The following CYP4B1 variants were observed in gnomAD, a reference collection of about 807,000 sequenced individuals.
CYP4B1 encodes the protein cytochrome P450 family 4 subfamily B member 1, also known as cytochrome P450 4B1.
Under a neutral mutation model 54.0 loss-of-function variants are expected in CYP4B1, and 45 were observed. That is an observed-to-expected ratio of 0.83 (90% CI 0.66 to 1.07). The LOEUF (loss-of-function observed/expected upper bound fraction) is 1.07. CYP4B1 is among the 50% of genes least tolerant of loss of function. CYP4B1 has a pLI of 0.00. For synonymous variants in CYP4B1, 248 were observed against 247.5 expected, an observed-to-expected ratio of 1.00 and a Z score of -0.02; for missense variants, 656 against 655.4, an observed-to-expected ratio of 1.00 and a Z score of -0.01.
intron 3 of CYP4B1, 192 bp from the exon 4 acceptor site, chr1:46,812,304 C>A (rs1246652101): frequency 2.8e-6 from 2 of 708,392 alleles, no homozygotes; most frequent in Non-Finnish European, 5.1e-6. Context: ...GCTCACTCAG[C>A]CAAGAACTGC....
rs759943813 is a variant in CYP4B1, at chr1:46,810,788, G to A, written c.181-20G>A. 6 of 1,614,036 alleles carry A rather than the reference G, an allele frequency of 3.7e-6. No homozygotes were observed. The Admixed American group carries it at 1.0e-4, about 27-fold the overall frequency. ...GACAATGTGTTCCTGAGTGACCTTGGCCTTCTGTCATCATTTCAGATCCAG... is the reference window on the plus strand; with the variant it reads ...GACAATGTGTTCCTGAGTGACCTTGACCTTCTGTCATCATTTCAGATCCAG... On this transcript the variant is annotated intron_variant, in intron 1 of 11. Coordinates refer to ENST00000371923, the MANE Select transcript of CYP4B1 (RefSeq NM_001099772.2).
chr1:46,813,695 A>G, intron 5 of CYP4B1, 89 bp downstream of exon 5: 1 of 1,569,310 alleles, frequency 6.4e-7, no homozygotes, highest in South Asian at 1.1e-5. Flanking sequence ...TGATCTGAGA[A>G]GAGATAGGGT....
chr1:46,815,410 G>T (rs150836169), intron 8 of CYP4B1, 146 bp downstream of exon 8: 4 of 676,740 alleles, frequency 5.9e-6, no homozygotes, highest in African/African-American at 3.7e-5. Flanking sequence ...GTGGTGGGGG[G>T]TGGGGAGAGT....
At chr1:46,813,755 G>T in intron 5 of CYP4B1, 149 bp downstream of exon 5, 1 of 1,417,882 alleles carries the variant, frequency 7.1e-7, no homozygotes, top group Non-Finnish European at 9.7e-7. Flanking sequence ...TGCTCATGGT[G>T]GGGTAAACAC....
At chr1:46,817,258 C>T in intron 9 of CYP4B1, 77 bp downstream of exon 9, 1 of 1,575,422 alleles carries the variant, frequency 6.3e-7, no homozygotes, top group African/African-American at 1.3e-5. Context: ...TTAGTCAAAT[C>T]TTTGCACTTT....
chr1:46,818,596 CA>C (rs1297602359), intron 11 of CYP4B1, 34 bp from the exon 12 acceptor site: 1 of 1,603,228 alleles, frequency 6.2e-7, no homozygotes. Context: ...CTGGATGCTC[CA>C]TTGCACGATG....
intron 1 of CYP4B1, among the ~76,000 whole-genome samples, chr1:46,803,018 C>T (rs752257079): frequency 6.6e-5 from 10 of 152,264 alleles, no homozygotes; most frequent in South Asian, 2.1e-4. Flanking sequence ...AGTACCTCAG[C>T]GCTTCTGCAG....
At chr1:46,808,446 T>G (rs1678949625) in intron 1 of CYP4B1, among the ~76,000 whole-genome samples, 1 of 151,832 alleles carries the variant, frequency 6.6e-6, no homozygotes. Flanking sequence ...ATGTCTTCTT[T>G]TGAGAAGTGT....
In CYP4B1 at chr1:46,818,801, G is replaced by T. The variant is rs966147642; in HGVS notation, c.1526G>T (p.Gly509Val). ...CTCCACCTGAAGCCACTGGGCCCTG[G>T]GTCTGGGAAGTAGCTCTGATGAGAA... is the stretch of plus-strand genomic sequence containing the variant. ...FHLHLKPLGP[G>V]SGK Residue 509 changes from glycine (G) to valine (V), a missense_variant, in exon 12 of 12, where the codon GGG (glycine) becomes GTG (valine). Physicochemically the swap from Gly to Val is moderately radical, Grantham distance 109. Coordinates refer to ENST00000371923, the MANE Select transcript of CYP4B1 (RefSeq NM_001099772.2). 6.2e-7 allele frequency: 1 copy of T among 1,614,096 alleles called. No homozygotes were observed. Among genetic ancestry groups the T allele is most frequent in the Non-Finnish European group, 8.5e-7 (1 of 1,179,992 alleles).
chr1:46,815,436 G>A (rs1569910651), intron 8 of CYP4B1, 172 bp downstream of exon 8: 1 of 534,632 alleles, frequency 1.9e-6, no homozygotes, highest in Non-Finnish European at 3.1e-6. Context: ...GCTGGGCACA[G>A]ATGCACCCCT....
intron 1 of CYP4B1, among the ~76,000 whole-genome samples, chr1:46,808,526 T>C (rs904232764): frequency 2.6e-5 from 4 of 151,928 alleles, no homozygotes; most frequent in Non-Finnish European, 5.9e-5. Flanking sequence ...TTTGAGTTCA[T>C]TGTAGATTCT....
chr1:46,809,069 T>C (rs1406333690), intron 1 of CYP4B1, among the ~76,000 whole-genome samples: 2 of 151,076 alleles, frequency 1.3e-5, no homozygotes, highest in African/African-American at 2.4e-5. Context: ...TGTATACATA[T>C]GTAACTAACC....
At chr1:46,814,418 C>T (rs1679250261) in intron 7 of CYP4B1, 103 bp downstream of exon 7, 1 of 772,998 alleles carries the variant, frequency 1.3e-6, no homozygotes, top group South Asian at 1.7e-5. Context: ...TTCCCCCTTT[C>T]CTCAGCAAAT....
intron 1 of CYP4B1, among the ~76,000 whole-genome samples, chr1:46,807,454 G>C (rs1678907605): frequency 6.6e-6 from 1 of 152,174 alleles, no homozygotes; most frequent in African/African-American, 2.4e-5. Context: ...GAGAGAAGGG[G>C]AATGGCCAGG....
At chr1:46,799,442 C>A (rs1275975462) in intron 1 of CYP4B1, among the ~76,000 whole-genome samples, 181 bp downstream of exon 1, 1 of 152,196 alleles carries the variant, frequency 6.6e-6, no homozygotes, top group African/African-American at 2.4e-5. Flanking sequence ...TCCAGCCTTT[C>A]AAGCTGACTT....
chr1:46,804,314 C>A (rs45548536), intron 1 of CYP4B1, among the ~76,000 whole-genome samples: 1 of 151,866 alleles, frequency 6.6e-6, no homozygotes, highest in Non-Finnish European at 1.5e-5. Flanking sequence ...GGGGCCATCA[C>A]AAGGAATTGG....
intron 5 of CYP4B1, 76 bp downstream of exon 5, chr1:46,813,682 C>A: frequency 6.3e-7 from 1 of 1,588,934 alleles, no homozygotes; most frequent in Non-Finnish European, 8.6e-7. Flanking sequence ...GGGTCCTGGG[C>A]TCTGATCTGA....
chr1:46,818,978 G>C lies in CYP4B1; in HGVS notation c.*164G>C, dbSNP rs1679452621. On this transcript the variant is annotated 3_prime_UTR_variant, in exon 12 of 12. Transcript: ENST00000371923. ...GACGACTCCTAGAGGACAGTGCTATGTAAAAATGTGTGTCTATAAATGTTT... is the reference window on the plus strand; with the variant it reads ...GACGACTCCTAGAGGACAGTGCTATCTAAAAATGTGTGTCTATAAATGTTT... The C allele has an allele frequency of 1.7e-6, 1 of 582,638 alleles. No individual in the cohort carries two copies. Among genetic ancestry groups the C allele is most frequent in the African/African-American group, 1.9e-5 (1 of 53,752 alleles). The allele number at this position is 582,638 out of a possible 1,614,324, so 36.1% of individuals were successfully genotyped here. A position where few individuals can be genotyped will look rare whatever the true frequency, so the allele number is the denominator to read the frequency against.
chr1:46,818,259 A>G (rs767989995), intron 11 of CYP4B1, 46 bp downstream of exon 11: 1 of 1,538,520 alleles, frequency 6.5e-7, no homozygotes, highest in South Asian at 1.1e-5. Flanking sequence ...TGGGGAGGAG[A>G]GGGTGGATGA....
Sources: gnomAD v4.1 joint callset for allele counts (sites outside exome capture counted in the v4.1 genomes callset) on GRCh38, gnomAD v4.1.1 for gene constraint, MANE v1.5 for transcripts, NCBI Gene and HGNC (gene_info 2026-07-23, HGNC 2026-07-21) for gene names.